SMARCB1: variants seen among roughly 807,000 people sequenced by gnomAD.
SMARCB1 encodes the protein SWI/SNF-related matrix-associated actin-dependent regulator of chromatin subfamily B member 1.
In SMARCB1, 5 loss-of-function variants were observed where a neutral mutation model predicts 49.0. The ratio of observed to expected loss-of-function variants is 0.10; its 90% CI spans 0.05 to 0.21. The LOEUF (loss-of-function observed/expected upper bound fraction) is 0.21. SMARCB1 is among the 10% of genes least tolerant of loss of function. The pLI, the probability that SMARCB1 is intolerant of heterozygous loss-of-function variation, is 1.00. For synonymous variants in SMARCB1, 201 were observed against 200.1 expected (o/e 1.00, Z -0.04); for missense variants, 226 against 509.2 (o/e 0.44, Z 5.35).
At chr22:23,807,393 G>A (rs1024003068) in intron 5 of SMARCB1, among the ~76,000 whole-genome samples, 5 of 152,120 alleles carry the variant, frequency 3.3e-5, no homozygotes, top group African/African-American at 4.8e-5. Flanking sequence ...AGACCAGCCT[G>A]GGTGTCACGG....
At chr22:23,794,537 A>G (rs1928619856) in intron 3 of SMARCB1, among the ~76,000 whole-genome samples, 1 of 152,222 alleles carries the variant, frequency 6.6e-6, no homozygotes, top group East Asian at 1.9e-4. Context: ...AGTGGGACCA[A>G]TTTGTCAGAA....
Position 23,837,950 on chromosome 22 carries a change from C to A in SMARCB1, c.*3770C>A. The A allele has an allele frequency of 7.6e-7, 1 of 1,320,348 alleles. No homozygotes were observed. 81.8% of individuals were successfully genotyped at this position (1,320,348 alleles called of 1,614,324 possible). ...CCTGGAATTCTTCCCCTCATCTCCC[C>A]TATGTGCTATTCCCTCATCAAGATG... On this transcript the variant is annotated 3_prime_UTR_variant, in exon 9 of 9. Transcript: ENST00000644036.
At chr22:23,809,258 G>A (rs1247228536) in intron 5 of SMARCB1, among the ~76,000 whole-genome samples, 1 of 150,954 alleles carries the variant, frequency 6.6e-6, no homozygotes, top group Admixed American at 6.6e-5. Flanking sequence ...GTTCAGGAAT[G>A]AACGATATTG....
intron 6 of SMARCB1, among the ~76,000 whole-genome samples, chr22:23,819,943 C>T (rs115121582): frequency 0.12 from 18,817 of 152,080 alleles, 1,256 homozygotes; most frequent in South Asian, 0.27. Flanking sequence ...TTTCCTGCTT[C>T]AGCCTCTCGA....
At chr22:23,830,905 C>T (rs1199146491) in intron 7 of SMARCB1, among the ~76,000 whole-genome samples, 4 of 152,034 alleles carry the variant, frequency 2.6e-5, no homozygotes, top group East Asian at 1.9e-4. Flanking sequence ...ATAATCCGCC[C>T]GCCTCGGCCT....
rs148395425 is a variant in SMARCB1, at chr22:23,800,258, C to T, written c.363-686C>T. Among the ~76,000 whole-genome samples, 764 of 152,378 alleles carry T rather than the reference C, an allele frequency of 5.0e-3. 20 individuals are homozygous for T. In the South Asian group the frequency reaches 0.085, roughly 17 times the overall value. ...CTGGAATTTGGGAGAAAAGATCAAA[C>T]GCTTCATGGGACATGGGTTATTTAA... On this transcript the variant is annotated intron_variant, in intron 3 of 8. Transcript: ENST00000644036.
chr22:23,820,203 A>AT lies in SMARCB1; in HGVS notation c.795+3273dup, dbSNP rs1405769981. On this transcript the variant is annotated intron_variant, in intron 6 of 8. Transcript: ENST00000644036. Reference sequence around the variant, plus strand: ...GTCTGTAGTTTTCCTTTCTTGTAGTATTTTTTGTCTGACTTAGGTATCAGG... The same window carrying AT: ...GTCTGTAGTTTTCCTTTCTTGTAGTATTTTTTTGTCTGACTTAGGTATCAGG... Among the ~76,000 whole-genome samples the AT allele has an allele frequency of 6.6e-5, 10 of 152,092 alleles. 1 individual carries two copies. The East Asian group carries it at 1.7e-3, about 26-fold the overall frequency.
intron 5 of SMARCB1, among the ~76,000 whole-genome samples, chr22:23,806,033 A>C (rs1672132127): frequency 6.6e-6 from 1 of 152,234 alleles, no homozygotes. Context: ...CTGGATAAAG[A>C]GGAAATGTTC....
intron 6 of SMARCB1, 119 bp from the exon 7 acceptor site, chr22:23,825,106 A>T (rs926593980): frequency 1.3e-6 from 1 of 786,882 alleles, no homozygotes; most frequent in Non-Finnish European, 2.3e-6. Flanking sequence ...GACCACCTGC[A>T]GTTCTCAGCT....
At position 23,835,009 on chromosome 22, in the gene SMARCB1, G is replaced by T. The variant is rs2030930002; in HGVS notation, c.*829G>T. ...GTGCAGGAGGGCTGTTCTAGCTCCA[G>T]TGGCACCCATAGCCAGGTCAGCTGG... On this transcript the variant is annotated 3_prime_UTR_variant, in exon 9 of 9. Transcript: ENST00000644036. 1 of 1,451,314 alleles carries T rather than the reference G, an allele frequency of 6.9e-7. No individual in the cohort carries two copies. Among genetic ancestry groups the T allele is most frequent in the South Asian group, 1.4e-5 (1 of 70,446 alleles). 89.9% of individuals were successfully genotyped at this position (1,451,314 alleles called of 1,614,324 possible).
At chr22:23,827,831 T>G (rs2030463854) in intron 7 of SMARCB1, among the ~76,000 whole-genome samples, 2 of 152,036 alleles carry the variant, frequency 1.3e-5, no homozygotes, top group Non-Finnish European at 2.9e-5. Flanking sequence ...CCAACTCGCG[T>G]TCCCCCCACT....
At chr22:23,821,840 TC>T (rs1303863269) in intron 6 of SMARCB1, among the ~76,000 whole-genome samples, 7 of 149,032 alleles carry the variant, frequency 4.7e-5, no homozygotes, top group Admixed American at 2.0e-4. Context: ...AACAGGCTCT[TC>T]CCATCTCACT....
intron 5 of SMARCB1, among the ~76,000 whole-genome samples, chr22:23,809,955 G>T (rs1248084764): frequency 6.6e-6 from 1 of 151,296 alleles, no homozygotes; most frequent in Non-Finnish European, 1.5e-5. Context: ...CGGATCACGA[G>T]GTCAGGAATT....
chr22:23,791,957 AACGTTTTC>A, intron 2 of SMARCB1, 63 bp downstream of exon 2: 1 of 1,571,110 alleles, frequency 6.4e-7, no homozygotes, highest in Non-Finnish European at 8.7e-7. Flanking sequence ...ATGAAGATAA[AACGTTTTC>A]ACTCCAGAGT....
At chr22:23,805,257 G>A (rs953621493) in intron 5 of SMARCB1, among the ~76,000 whole-genome samples, 7 of 152,134 alleles carry the variant, frequency 4.6e-5, no homozygotes, top group African/African-American at 1.7e-4. Flanking sequence ...GGGTGAGGGA[G>A]GACACTGGCA....
At chr22:23,805,141 C>CCTCT (rs1244161595) in intron 5 of SMARCB1, among the ~76,000 whole-genome samples, 2 of 152,182 alleles carry the variant, frequency 1.3e-5, no homozygotes, top group Non-Finnish European at 2.9e-5. Context: ...AGTCCGAAGG[C>CCTCT]CTCTGCTCAG....
At chr22:23,834,003 T>C in intron 8 of SMARCB1, 138 bp from the exon 9 acceptor site, 1 of 935,010 alleles carries the variant, frequency 1.1e-6, no homozygotes, top group Non-Finnish European at 1.7e-6. Context: ...GAGAGAAGGC[T>C]GGGTCTGACC....
chr22:23,819,356 A>C (rs1361944412), intron 6 of SMARCB1, among the ~76,000 whole-genome samples: 1 of 148,722 alleles, frequency 6.7e-6, no homozygotes, highest in East Asian at 2.0e-4. Flanking sequence ...ATTTAGATGG[A>C]GTCTCACTCT....
At chr22:23,797,635 T>TTTTTA (rs1928858501) in intron 3 of SMARCB1, among the ~76,000 whole-genome samples, 15 of 125,980 alleles carry the variant, frequency 1.2e-4, no homozygotes, top group Admixed American at 2.4e-4. Context: ...TTTTTTTTTT[T>TTTTTA]GAGATCGAGT....
Sources: gnomAD v4.1 joint callset for allele counts (sites outside exome capture counted in the v4.1 genomes callset) on GRCh38, gnomAD v4.1.1 for gene constraint, MANE v1.5 for transcripts, NCBI Gene and HGNC (gene_info 2026-07-23, HGNC 2026-07-21) for gene names.